The following DR1 variants were observed in gnomAD, a reference collection of about 807,000 sequenced individuals.
The protein encoded by DR1 is down-regulator of transcription 1.
Under a neutral mutation model 19.9 loss-of-function variants are expected in DR1, and 7 were observed. The observed-to-expected ratio is 0.35, with a 90% confidence interval of 0.20 to 0.66. The LOEUF (loss-of-function observed/expected upper bound fraction) is 0.66, where lower values mean the gene tolerates loss of function less well. Among genes scored for constraint, DR1 ranks in the 30% least tolerant of loss-of-function variants. DR1 has a pLI of 0.66. For missense variants in DR1, 98 were observed against 203.7 expected (o/e 0.48, Z 3.16); for synonymous variants, 76 against 72.5 (o/e 1.05, Z -0.24).
At chr1:93,353,653 G>C (rs1666944197) in intron 1 of DR1, among the ~76,000 whole-genome samples, 1 of 152,162 alleles carries the variant, frequency 6.6e-6, no homozygotes, top group Non-Finnish European at 1.5e-5. Context: ...AAATTAGTCA[G>C]AATGAAAAGT....
rs1667082323 is a variant in DR1 at position 93,363,526 on chromosome 1, G to GT, written c.*2888dup. On this transcript the variant is annotated 3_prime_UTR_variant, in exon 3 of 3. Transcript: ENST00000370272. Reference sequence around the variant, plus strand: ...CTTTTTTGGCTTCCAGTGACGGCCTGTATTTATGGGCTTGTGACCCCTTCC... The same window carrying GT: ...CTTTTTTGGCTTCCAGTGACGGCCTGTTATTTATGGGCTTGTGACCCCTTCC... The GT allele has an allele frequency of 6.6e-6, 1 of 152,204 alleles. No homozygotes were observed. Among genetic ancestry groups the GT allele is most frequent in the South Asian group, 2.1e-4 (1 of 4,826 alleles). 9.4% of individuals were successfully genotyped at this position (152,204 alleles called of 1,614,324 possible). A position where few individuals can be genotyped will look rare whatever the true frequency, so the allele number is the denominator to read the frequency against.
At position 93,360,654 on chromosome 1, in the gene DR1, G is replaced by C; in HGVS notation, c.*15G>C. ...ATGATATCTGAAATTCACCAGCTGAGTTTCTATTTCTTCTATAAATGTTTT... is the reference window on the plus strand; with the variant it reads ...ATGATATCTGAAATTCACCAGCTGACTTTCTATTTCTTCTATAAATGTTTT... On this transcript the variant is annotated 3_prime_UTR_variant, in exon 3 of 3. Coordinates refer to ENST00000370272, the MANE Select transcript of DR1 (RefSeq NM_001938.3). 6.3e-7 allele frequency: 1 copy of C among 1,578,598 alleles called. No homozygotes were observed. The highest frequency in any genetic ancestry group is 8.6e-7 in the Non-Finnish European group (1 of 1,168,764).
chr1:93,352,750 A>G (rs1356028546), intron 1 of DR1, among the ~76,000 whole-genome samples: 1 of 152,204 alleles, frequency 6.6e-6, no homozygotes. Context: ...ATGTTTCATC[A>G]TTGGTTCACA....
chr1:93,358,004 T>C (rs1413672558), intron 2 of DR1, among the ~76,000 whole-genome samples: 6 of 152,210 alleles, frequency 3.9e-5, no homozygotes, highest in African/African-American at 1.4e-4. Flanking sequence ...CTGGGCATAG[T>C]GGCTCACACC....
At chr1:93,346,922 C>A in intron 1 of DR1, 57 bp downstream of exon 1, 1 of 1,440,400 alleles carries the variant, frequency 6.9e-7, no homozygotes, top group Non-Finnish European at 9.6e-7. Flanking sequence ...GTCTGCTAAT[C>A]GCGTGACCCT....
chr1:93,353,932 C>T lies in DR1; in HGVS notation c.245C>T (p.Ser82Phe), dbSNP rs754785474. The stretch of plus-strand genomic sequence containing the variant: ...GCACTAGAAAGTTTGGGATTTGGCT[C>T]TTACATCAGTGAAGTAAAAGAAGTC... ...IQALESLGFGSYISEVKEVLQ... is the reference protein window; with the variant it reads ...IQALESLGFGFYISEVKEVLQ... The change falls in exon 2 of 3, where the codon TCT becomes TTT. Residue 82 changes from serine to phenylalanine, a missense_variant. By Grantham distance (155) the Ser-to-Phe change is radical. Coordinates refer to ENST00000370272, the MANE Select transcript of DR1 (RefSeq NM_001938.3). The T allele has an allele frequency of 2.5e-6, 4 of 1,608,198 alleles. No homozygotes were observed. The Admixed American group carries it at 5.1e-5, about 20-fold the overall frequency.
At position 93,361,083 on chromosome 1, in the gene DR1, T is replaced by C; in HGVS notation, c.*444T>C. ...GTGAATCAGTAGACATTGGATTGGG[T>C]TGGTGAAAGAGTTCAGTTCTGTAGT... On this transcript the variant is annotated 3_prime_UTR_variant, in exon 3 of 3. Transcript: ENST00000370272. 1 of 160,916 alleles carries C rather than the reference T, an allele frequency of 6.2e-6. No individual in the cohort carries two copies. The highest frequency in any genetic ancestry group is 1.7e-4 in the South Asian group (1 of 5,764). 10.0% of individuals were successfully genotyped at this position (160,916 alleles called of 1,614,324 possible). A position where few individuals can be genotyped will look rare whatever the true frequency, so the allele number is the denominator to read the frequency against.
In DR1 at chr1:93,366,889, C is replaced by G; in HGVS notation, c.*6250C>G. 6.6e-6 allele frequency: 1 copy of G among 152,154 alleles called. No individual in the cohort carries two copies. The highest frequency in any genetic ancestry group is 1.5e-5 in the Non-Finnish European group (1 of 68,078). 9.4% of individuals were successfully genotyped at this position (152,154 alleles called of 1,614,324 possible). A position where few individuals can be genotyped will look rare whatever the true frequency, so the allele number is the denominator to read the frequency against. ...TGGTGGCTTGCACCTGTAGTCCCAG[C>G]TACTCGGGAGCCTGATGTGGGAGGA... On this transcript the variant is annotated 3_prime_UTR_variant, in exon 3 of 3. Coordinates refer to ENST00000370272, the MANE Select transcript of DR1 (RefSeq NM_001938.3).
rs545845927 is a variant in DR1 at position 93,353,849 on chromosome 1, G to A, written c.221-59G>A. On this transcript the variant is annotated intron_variant, in intron 1 of 2. Transcript: ENST00000370272. ...AGCCCACAAAAACTTTAGGTCTACG[G>A]GTTGGGGGAAAGCTGTGTTTTATCA... is the stretch of plus-strand genomic sequence containing the variant. The A allele has an allele frequency of 1.3e-5, 18 of 1,435,440 alleles. No homozygotes were observed. In the East Asian group the frequency reaches 4.0e-4, roughly 32 times the overall value. The allele number at this position is 1,435,440 out of a possible 1,614,324, so 88.9% of individuals were successfully genotyped here. A position where few individuals can be genotyped will look rare whatever the true frequency, so the allele number is the denominator to read the frequency against.
At chr1:93,350,190 A>G (rs942057360) in intron 1 of DR1, among the ~76,000 whole-genome samples, 1 of 152,042 alleles carries the variant, frequency 6.6e-6, no homozygotes, top group African/African-American at 2.4e-5. Context: ...AATACTACCA[A>G]TTATTTGGCA....
Position 93,349,041 on chromosome 1 carries a change from G to A in DR1, c.220+2176G>A, listed in dbSNP as rs147290896. Among the ~76,000 whole-genome samples, 1,116 of 152,130 alleles carry A rather than the reference G, an allele frequency of 7.3e-3. 4 individuals are homozygous for A. The highest frequency in any genetic ancestry group is 9.8e-3 in the Non-Finnish European group (667 of 67,896). On this transcript the variant is annotated intron_variant, in intron 1 of 2. Coordinates refer to ENST00000370272, the MANE Select transcript of DR1 (RefSeq NM_001938.3). Reference sequence around the variant, plus strand: ...TGTAGAATATATCCAAATGGAATAAGTAATGTACATTTTAAAGTGATATGA... The same window carrying A: ...TGTAGAATATATCCAAATGGAATAAATAATGTACATTTTAAAGTGATATGA...
At chr1:93,355,206 G>A (rs1666964735) in intron 2 of DR1, 1 of 152,042 alleles carries the variant, frequency 6.6e-6, no homozygotes, top group African/African-American at 2.4e-5. Flanking sequence ...GAGTTTTTAT[G>A]AAATATAAAT....
rs1363821755 is a variant in DR1, at chr1:93,361,660, A to C, written c.*1021A>C. On this transcript the variant is annotated 3_prime_UTR_variant, in exon 3 of 3. Transcript: ENST00000370272. Reference sequence around the variant, plus strand: ...TTCCCAACTAGATGGCCTAGAGTCCAACATTACCTTTTGAGATGACATTAT... The same window carrying C: ...TTCCCAACTAGATGGCCTAGAGTCCCACATTACCTTTTGAGATGACATTAT... 3.9e-5 allele frequency: 6 copies of C among 152,524 alleles called. No homozygotes were observed. Among genetic ancestry groups the C allele is most frequent in the Non-Finnish European group, 7.4e-5 (5 of 67,920 alleles). The allele number at this position is 152,524 out of a possible 1,614,324, so 9.4% of individuals were successfully genotyped here. A position where few individuals can be genotyped will look rare whatever the true frequency, so the allele number is the denominator to read the frequency against.
intron 2 of DR1, 94 bp downstream of exon 2, chr1:93,354,165 C>T (rs879292952): frequency 4.0e-5 from 50 of 1,256,018 alleles, no homozygotes; most frequent in Non-Finnish European, 5.2e-5. Flanking sequence ...CAGAGGATTC[C>T]CTTTTTCTAG....
Position 93,364,503 on chromosome 1 carries a change from A to G in DR1, c.*3864A>G, listed in dbSNP as rs1667094149. On this transcript the variant is annotated 3_prime_UTR_variant, in exon 3 of 3. Transcript: ENST00000370272. ...AATGGCCATTAGGAAGAATTATCCA[A>G]TTCAGATGGCATAGGCACTGCCTTC... 1 of 152,166 alleles carries G rather than the reference A, an allele frequency of 6.6e-6. No homozygotes were observed. Among genetic ancestry groups the G allele is most frequent in the Non-Finnish European group, 1.5e-5 (1 of 68,032 alleles). 9.4% of individuals were successfully genotyped at this position (152,166 alleles called of 1,614,324 possible).
At chr1:93,359,310 A>G (rs887286637) in intron 2 of DR1, among the ~76,000 whole-genome samples, 1 of 152,184 alleles carries the variant, frequency 6.6e-6, no homozygotes, top group Non-Finnish European at 1.5e-5. Flanking sequence ...GTTCATTCAG[A>G]AAATACTGAG....
At chr1:93,347,183 G>C (rs1666858967) in intron 1 of DR1, among the ~76,000 whole-genome samples, 1 of 152,206 alleles carries the variant, frequency 6.6e-6, no homozygotes, top group Non-Finnish European at 1.5e-5. Flanking sequence ...GTTGAACTTA[G>C]ATAATAATTA....
intron 1 of DR1, among the ~76,000 whole-genome samples, chr1:93,349,221 A>G (rs1666888895): frequency 6.6e-6 from 1 of 152,060 alleles, no homozygotes; most frequent in African/African-American, 2.4e-5. Flanking sequence ...TTAAAGTTGA[A>G]CTAATTTTAT....
At chr1:93,350,022 TATACA>T (rs1246361286) in intron 1 of DR1, among the ~76,000 whole-genome samples, 4 of 152,184 alleles carry the variant, frequency 2.6e-5, no homozygotes, top group East Asian at 1.9e-4. Context: ...AATAATCGTT[TATACA>T]GATATTTTTT....
Sources: allele counts gnomAD v4.1 joint callset (sites outside exome capture counted in the v4.1 genomes callset), GRCh38; gene constraint gnomAD v4.1.1; transcripts MANE v1.5; gene names NCBI Gene and HGNC (gene_info 2026-07-23, HGNC 2026-07-21).